The following MGAM variants were observed in gnomAD, a reference collection of about 807,000 sequenced individuals.
The protein encoded by MGAM is alpha-1,4-glucosidase.
A neutral mutation model predicts 358.8 loss-of-function variants in MGAM; 253 were observed. That is an observed-to-expected ratio of 0.71 (90% CI 0.64 to 0.78). MGAM has a LOEUF of 0.78. Among genes scored for constraint, MGAM ranks in the 30% least tolerant of loss-of-function variants. The pLI, the probability that MGAM is intolerant of heterozygous loss-of-function variation, is 0.00. For missense variants in MGAM, 3,080 were observed against 3,432.6 expected (o/e 0.90, Z 2.57); for synonymous variants, 1,105 against 1,227.1 (o/e 0.90, Z 2.08).
At chr7:142,039,948 G>C (rs1280343786) in intron 19 of MGAM, among the ~76,000 whole-genome samples, 167 bp from the exon 20 acceptor site, 2 of 152,092 alleles carry the variant, frequency 1.3e-5, no homozygotes, top group African/African-American at 2.4e-5. Context: ...ATTTCTCTCT[G>C]GGTTGCCAAG....
At chr7:142,049,516 C>T (rs1237159920) in intron 22 of MGAM, among the ~76,000 whole-genome samples, 2 of 152,068 alleles carry the variant, frequency 1.3e-5, no homozygotes, top group Non-Finnish European at 2.9e-5. Flanking sequence ...AAAAGGCAAA[C>T]TACAGAATGG....
Position 142,044,028 on chromosome 7 carries a change from A to ATACGACGTATAATATGTACATTATATACG in MGAM, c.2498+3182_2498+3183insTACGACGTATAATATGTACATTATATACG, listed in dbSNP as rs1368978266. ...GACGTATAATATATACATTATATAC[A>ATACGACGTATAATATGTACATTATATACG]CATACGACGTATAATATATACATTA... is the stretch of plus-strand genomic sequence containing the variant. On this transcript the variant is annotated intron_variant, in intron 21 of 70. Transcript: ENST00000475668. Among the ~76,000 whole-genome samples, 12 of 77,430 alleles carry ATACGACGTATAATATGTACATTATATACG rather than the reference A, an allele frequency of 1.5e-4. 1 individual carries two copies. Among genetic ancestry groups the ATACGACGTATAATATGTACATTATATACG allele is most frequent in the East Asian group, 3.6e-4 (1 of 2,750 alleles). The allele number at this position is 77,430 out of a possible 152,430, so 50.8% of individuals were successfully genotyped here.
chr7:142,045,876 TATGTAATATATATA>T lies in MGAM; in HGVS notation c.2499-1908_2499-1895del, dbSNP rs1810282482. 5.2e-5 allele frequency among the ~76,000 whole-genome samples: 6 copies of T among 114,610 alleles called. 2 individuals carry two copies. The highest frequency in any genetic ancestry group is 1.8e-4 in the African/African-American group (5 of 28,062). 75.2% of individuals were successfully genotyped at this position (114,610 alleles called of 152,430 possible). A position where few individuals can be genotyped will look rare whatever the true frequency, so the allele number is the denominator to read the frequency against. ...ATATATATATTATATATACATACAA[TATGTAATATATATA>T]TTATGTATACATACAATATGTAATA... On this transcript the variant is annotated intron_variant, in intron 21 of 70. Transcript: ENST00000475668.
intron 1 of MGAM, 56 bp from the exon 2 acceptor site, chr7:142,005,473 A>G (rs1563103803): frequency 2.5e-5 from 31 of 1,259,950 alleles, no homozygotes; most frequent in Admixed American, 6.0e-5. Context: ...TAAAAATCTT[A>G]CTAGTTATAT....
intron 2 of MGAM, among the ~76,000 whole-genome samples, chr7:141,989,048 T>G (rs912614951): frequency 9.2e-5 from 14 of 151,908 alleles, no homozygotes; most frequent in Non-Finnish European, 1.3e-4. Context: ...TGAGAAATCA[T>G]TTTGATAGGT....
chr7:142,063,348 C>T (rs1027841066), intron 35 of MGAM, 151 bp from the exon 36 acceptor site: 1 of 874,460 alleles, frequency 1.1e-6, no homozygotes, highest in African/African-American at 1.7e-5. Context: ...TCTTTCTAGC[C>T]AGTTCTCACC....
At position 142,034,572 on chromosome 7, in the gene MGAM, G is replaced by A. The variant is rs531494021; in HGVS notation, c.1788-98G>A. ...CCGAAAGAGAGTTGGAAGAGAATGG[G>A]TTATTCACTTTTAATGTCTTTTGTA... On this transcript the variant is annotated intron_variant, in intron 15 of 70. Coordinates refer to ENST00000475668, the MANE Select transcript of MGAM (RefSeq NM_001365693.1). 9.6e-6 allele frequency: 11 copies of A among 1,145,390 alleles called. No homozygotes were observed. In the East Asian group the frequency reaches 2.7e-4, roughly 28 times the overall value. 71.0% of individuals were successfully genotyped at this position (1,145,390 alleles called of 1,614,324 possible). A position where few individuals can be genotyped will look rare whatever the true frequency, so the allele number is the denominator to read the frequency against.
At chr7:142,065,305 T>C (rs1812612072) in intron 37 of MGAM, 30 bp from the exon 38 acceptor site, 1 of 1,597,282 alleles carries the variant, frequency 6.3e-7, no homozygotes, top group Admixed American at 1.7e-5. Flanking sequence ...GGCTGTTGCC[T>C]CAGTTCACCT....
rs1331215899 is a variant in MGAM at position 142,076,909 on chromosome 7, C to G, written c.5493+83C>G. 2.1e-6 allele frequency: 3 copies of G among 1,403,138 alleles called. No homozygotes were observed. In the East Asian group the frequency reaches 7.1e-5, roughly 33 times the overall value. 86.9% of individuals were successfully genotyped at this position (1,403,138 alleles called of 1,614,324 possible). ...TTCTTCTTGCCAAGTTTGCATGGGT[C>G]CCTGAAGTACCAGGGCACCTTTGAT... On this transcript the variant is annotated intron_variant, in intron 47 of 70. Transcript: ENST00000475668.
chr7:141,990,278 T>G (rs1554447016), intron 2 of MGAM, among the ~76,000 whole-genome samples: 1 of 151,678 alleles, frequency 6.6e-6, no homozygotes, highest in Non-Finnish European at 1.5e-5. Flanking sequence ...TTCACATGCA[T>G]TATTTCATTC....
intron 22 of MGAM, among the ~76,000 whole-genome samples, chr7:142,049,272 A>G (rs1810707722): frequency 6.6e-6 from 1 of 152,162 alleles, no homozygotes; most frequent in Non-Finnish European, 1.5e-5. Context: ...ATGGACACTT[A>G]GGTTATTTTC....
intron 43 of MGAM, among the ~76,000 whole-genome samples, chr7:142,070,601 CA>C (rs1813257116): frequency 6.9e-6 from 1 of 145,614 alleles, no homozygotes; most frequent in Non-Finnish European, 1.6e-5. Context: ...TCAAAAGGCA[CA>C]GGATAGCCCC....
intron 24 of MGAM, 75 bp from the exon 25 acceptor site, chr7:142,052,219 C>T (rs1166608439): frequency 2.3e-5 from 29 of 1,241,830 alleles, no homozygotes; most frequent in South Asian, 5.0e-5. Context: ...TTTTTTTTAT[C>T]GAAAAAAAAA....
upstream of MGAM, among the ~76,000 whole-genome samples, chr7:141,995,233 C>G (rs1343109984): frequency 7.9e-5 from 10 of 127,196 alleles, no homozygotes; most frequent in African/African-American, 3.2e-4. Context: ...CTAGAATAAG[C>G]AAAAAGCCAA....
intron 68 of MGAM, among the ~76,000 whole-genome samples, chr7:142,101,920 A>G (rs1293081288): frequency 6.7e-6 from 1 of 149,702 alleles, no homozygotes; most frequent in Non-Finnish European, 1.5e-5. Flanking sequence ...AAAAAAAAAA[A>G]GAAAGAAAGA....
At chr7:142,041,052 C>G (rs1380573876) in intron 21 of MGAM, among the ~76,000 whole-genome samples, 1 of 152,122 alleles carries the variant, frequency 6.6e-6, no homozygotes, top group Non-Finnish European at 1.5e-5. Context: ...CTGCCTTGGC[C>G]ACACTGCATC....
chr7:142,070,880 A>G lies in MGAM; in HGVS notation c.5062-114A>G, dbSNP rs1813285479. The G allele has an allele frequency of 6.6e-6, 9 of 1,354,806 alleles. 2 individuals carry two copies. The Admixed American group carries it at 1.7e-4, about 26-fold the overall frequency. The allele number at this position is 1,354,806 out of a possible 1,614,324, so 83.9% of individuals were successfully genotyped here. ...ATGGGTAATAGCAGGTATGTTGCAA[A>G]GGGTGATGAACAGGCATAAGTTCAG... is the stretch of plus-strand genomic sequence containing the variant. On this transcript the variant is annotated intron_variant, in intron 43 of 70. Transcript: ENST00000475668.
Position 142,082,878 on chromosome 7 carries a change from A to G in MGAM, c.6268+307A>G, listed in dbSNP as rs752989228. 2.1e-5 allele frequency among the ~76,000 whole-genome samples: 3 copies of G among 145,782 alleles called. 1 individual carries two copies. The highest frequency in any genetic ancestry group is 4.7e-5 in the Non-Finnish European group (3 of 64,346). ...ATAAAATTTGAATTAGGGTAAAACT[A>G]TGGGTCAGAGAAGTTAGTCTGGGGA... On this transcript the variant is annotated intron_variant, in intron 52 of 70. Coordinates refer to ENST00000475668, the MANE Select transcript of MGAM (RefSeq NM_001365693.1).
In MGAM at chr7:142,106,340, C is replaced by T. The variant is rs73739164; in HGVS notation, c.*449C>T. 2,657 of 153,460 alleles carry T rather than the reference C, an allele frequency of 0.017. 70 individuals carry two copies. Among genetic ancestry groups the T allele is most frequent in the African/African-American group, 0.053 (2,215 of 41,466 alleles). 9.5% of individuals were successfully genotyped at this position (153,460 alleles called of 1,614,324 possible). ...AGAACATCTGCTAGTTGGTTATAGGCGGTGGGAGGAATAATATACCTAATT... is the reference window on the plus strand; with the variant it reads ...AGAACATCTGCTAGTTGGTTATAGGTGGTGGGAGGAATAATATACCTAATT... On this transcript the variant is annotated 3_prime_UTR_variant, in exon 71 of 71. Transcript: ENST00000475668.
Sources: gnomAD v4.1 joint callset for allele counts (sites outside exome capture counted in the v4.1 genomes callset) on GRCh38, gnomAD v4.1.1 for gene constraint, MANE v1.5 for transcripts, NCBI Gene and HGNC (gene_info 2026-07-23, HGNC 2026-07-21) for gene names.